Variants in RPTOR observed in about 807,000 individuals in gnomAD.
RPTOR encodes the protein regulatory-associated protein of mTOR.
In RPTOR, 21 loss-of-function variants were observed where a neutral mutation model predicts 169.9. That is an observed-to-expected ratio of 0.12 (90% CI 0.09 to 0.18). The LOEUF (loss-of-function observed/expected upper bound fraction) is 0.18. Ranked by LOEUF, RPTOR falls within the 10% of genes least tolerant of loss-of-function variation. The pLI is 1.00. For missense variants in RPTOR, 1,133 were observed against 1,855.9 expected, an observed-to-expected ratio of 0.61 and a Z score of 7.16; for synonymous variants, 732 against 753.2, an observed-to-expected ratio of 0.97 and a Z score of 0.46.
chr17:80,661,704 C>T (rs917582698), intron 3 of RPTOR, among the ~76,000 whole-genome samples: 3 of 152,126 alleles, frequency 2.0e-5, no homozygotes, highest in Admixed American at 6.5e-5. Context: ...CACCACCCCC[C>T]GCCCCCTTTC....
Position 80,717,245 on chromosome 17 carries a change from CT to C in RPTOR, c.507+9251del, listed in dbSNP as rs2066246949. On this transcript the variant is annotated intron_variant, in intron 4 of 33. Coordinates refer to ENST00000306801, the MANE Select transcript of RPTOR (RefSeq NM_020761.3). ...TGGTGTGGTCTGTTTTTCTCCACAGCTTTTTCCCAGTCTTATGTATATTGTC... is the reference window on the plus strand; with the variant it reads ...TGGTGTGGTCTGTTTTTCTCCACAGCTTTTCCCAGTCTTATGTATATTGTC... Among the ~76,000 whole-genome samples the C allele has an allele frequency of 9.2e-5, 14 of 152,234 alleles. No individual in the cohort carries two copies. In the South Asian group the frequency reaches 2.9e-3, roughly 32 times the overall value.
chr17:80,898,416 G>A (rs1484284336), intron 20 of RPTOR, among the ~76,000 whole-genome samples: 1 of 151,962 alleles, frequency 6.6e-6, no homozygotes, highest in African/African-American at 2.4e-5. Context: ...TTTCTTTAGT[G>A]TCTTCAAGTT....
At chr17:80,930,430 C>G (rs1598408122) in intron 24 of RPTOR, among the ~76,000 whole-genome samples, 1 of 330 alleles carries the variant, frequency 3.0e-3, no homozygotes, top group Non-Finnish European at 5.8e-3. Flanking sequence ...TCAGCTCATC[C>G]TCATCCCCAG....
intron 7 of RPTOR, among the ~76,000 whole-genome samples, chr17:80,798,479 G>A (rs2067122975): frequency 6.6e-6 from 1 of 152,066 alleles, no homozygotes; most frequent in Non-Finnish European, 1.5e-5. Flanking sequence ...TCCTGCTTGG[G>A]ACACCAGTCC....
intron 7 of RPTOR, among the ~76,000 whole-genome samples, chr17:80,793,514 TCTC>T (rs1243421509): frequency 6.6e-6 from 1 of 152,144 alleles, no homozygotes; most frequent in East Asian, 1.9e-4. Flanking sequence ...CAGTATCCTT[TCTC>T]CTCCGCCTGG....
intron 1 of RPTOR, among the ~76,000 whole-genome samples, chr17:80,558,157 C>T (rs570982161): frequency 1.9e-4 from 29 of 152,054 alleles, no homozygotes; most frequent in South Asian, 1.2e-3. Context: ...AAAAATTAGC[C>T]GGGCATGGTG....
At chr17:80,920,314 A>G (rs1425965460) in intron 21 of RPTOR, among the ~76,000 whole-genome samples, 1 of 152,210 alleles carries the variant, frequency 6.6e-6, no homozygotes, top group African/African-American at 2.4e-5. Flanking sequence ...TGCACAGCTA[A>G]AGAAAGCTCC....
Position 80,634,743 on chromosome 17 carries a change from T to G in RPTOR, c.265+8950T>G. Among the ~76,000 whole-genome samples the G allele has an allele frequency of 1.7e-5, 2 of 115,086 alleles. 1 individual carries two copies. Among genetic ancestry groups the G allele is most frequent in the African/African-American group, 7.3e-5 (2 of 27,304 alleles). 75.5% of individuals were successfully genotyped at this position (115,086 alleles called of 152,430 possible). A position where few individuals can be genotyped will look rare whatever the true frequency, so the allele number is the denominator to read the frequency against. On this transcript the variant is annotated intron_variant, in intron 2 of 33. Transcript: ENST00000306801. ...ACTGTGTGTGTGCGTACTGTGTGTG[T>G]GCATACTGTGTGTGTGCGTACTGTG... is the stretch of plus-strand genomic sequence containing the variant.
chr17:80,870,561 C>T (rs1022598356), intron 13 of RPTOR, among the ~76,000 whole-genome samples: 2 of 152,222 alleles, frequency 1.3e-5, no homozygotes, highest in Non-Finnish European at 2.9e-5. Flanking sequence ...GCAAGGTTAG[C>T]TTTCTCTGTC....
chr17:80,660,641 A>C (rs1480340572), intron 3 of RPTOR, among the ~76,000 whole-genome samples: 2 of 151,734 alleles, frequency 1.3e-5, no homozygotes, highest in Non-Finnish European at 2.9e-5. Context: ...TTTATATTCT[A>C]CCCTTTTGCG....
rs550074988 is a variant in RPTOR at position 80,721,436 on chromosome 17, C to T, written c.508-9124C>T. On this transcript the variant is annotated intron_variant, in intron 4 of 33. Transcript: ENST00000306801. This position sits in a 1 kb window ranked among gnomAD's most constrained non-coding sequence, Gnocchi z 4.7. ...CGGCAGGGCCTGCACGCACCTGGTG[C>T]AGGAGCAGCAGAAGCCATGCTGGCT... Among the ~76,000 whole-genome samples, 11 of 151,532 alleles carry T rather than the reference C, an allele frequency of 7.3e-5. No individual in the cohort carries two copies. The South Asian group carries it at 2.3e-3, about 31-fold the overall frequency.
At chr17:80,792,432 G>A (rs546223840) in intron 7 of RPTOR, among the ~76,000 whole-genome samples, 3 of 152,278 alleles carry the variant, frequency 2.0e-5, no homozygotes, top group East Asian at 1.9e-4. Flanking sequence ...ATGAGGGCAC[G>A]GTGAGCTCCG....
intron 24 of RPTOR, among the ~76,000 whole-genome samples, chr17:80,939,551 C>G (rs1430822244): frequency 1.3e-5 from 2 of 152,212 alleles, no homozygotes; most frequent in East Asian, 3.9e-4. Context: ...TAGTTTAACC[C>G]CAGCCAGGCT....
At chr17:80,877,158 T>C (rs1045895121) in intron 13 of RPTOR, among the ~76,000 whole-genome samples, 1 of 152,234 alleles carries the variant, frequency 6.6e-6, no homozygotes, top group Admixed American at 6.5e-5. Flanking sequence ...TCTTGTTTCC[T>C]CTTCTGTTTA....
chr17:80,874,107 A>G (rs1008213993), intron 13 of RPTOR, among the ~76,000 whole-genome samples: 1 of 152,228 alleles, frequency 6.6e-6, no homozygotes, highest in African/African-American at 2.4e-5. Flanking sequence ...AGATTGAAAA[A>G]GATGGAAAGC....
chr17:80,793,660 C>T (rs1051961504), intron 7 of RPTOR, among the ~76,000 whole-genome samples: 5 of 152,126 alleles, frequency 3.3e-5, no homozygotes, highest in Non-Finnish European at 7.4e-5. Context: ...GGACAGAGCC[C>T]CCCGGTCACC....
At chr17:80,599,856 T>C (rs1170455844) in intron 1 of RPTOR, among the ~76,000 whole-genome samples, 1 of 152,170 alleles carries the variant, frequency 6.6e-6, no homozygotes, top group African/African-American at 2.4e-5. Flanking sequence ...GGAAAGTATG[T>C]GTGTATTTAA....
chr17:80,613,110 A>G (rs1365798790), intron 1 of RPTOR, among the ~76,000 whole-genome samples: 1 of 152,108 alleles, frequency 6.6e-6, no homozygotes, highest in Non-Finnish European at 1.5e-5. Flanking sequence ...AGTGATCATC[A>G]TCATCCTGTC....
At chr17:80,555,039 C>T (rs1208779911) in intron 1 of RPTOR, among the ~76,000 whole-genome samples, 1 of 152,110 alleles carries the variant, frequency 6.6e-6, no homozygotes, top group East Asian at 1.9e-4. Flanking sequence ...TAAAAAAGCT[C>T]TTTGAGGGTC....
Sources: allele counts gnomAD v4.1 joint callset (sites outside exome capture counted in the v4.1 genomes callset), GRCh38; gene constraint gnomAD v4.1.1; non-coding constraint Gnocchi (gnomAD v3.1); transcripts MANE v1.5; gene names NCBI Gene and HGNC (gene_info 2026-07-23, HGNC 2026-07-21).